LNX2: variants seen among roughly 807,000 people sequenced by gnomAD.
LNX2 encodes ligand of Numb protein X 2.
Under a neutral mutation model 66.2 loss-of-function variants are expected in LNX2, and 35 were observed. The observed-to-expected ratio is 0.53, with a 90% CI of 0.40 to 0.70. The LOEUF is 0.70. Among genes scored for constraint, LNX2 ranks in the 30% least tolerant of loss-of-function variants. The pLI is 0.00. For synonymous variants in LNX2, 337 were observed against 315.6 expected (o/e 1.07, Z -0.72); for missense variants, 791 against 850.8 (o/e 0.93, Z 0.87).
chr13:27,611,270 C>T (rs1234223583), intron 1 of LNX2, among the ~76,000 whole-genome samples: 1 of 152,128 alleles, frequency 6.6e-6, no homozygotes, highest in East Asian at 1.9e-4. Flanking sequence ...TTCAGCTTTA[C>T]AAAGGAAGGA....
chr13:27,590,219 T>TTTTTTA (rs1291925059), intron 1 of LNX2, among the ~76,000 whole-genome samples: 46 of 152,018 alleles, frequency 3.0e-4, no homozygotes, highest in Non-Finnish European at 4.4e-5. Flanking sequence ...CTATGGTTGG[T>TTTTTTA]TTTTTATTTT....
intron 1 of LNX2, among the ~76,000 whole-genome samples, chr13:27,591,745 A>G (rs1955548314): frequency 6.6e-6 from 1 of 152,210 alleles, no homozygotes; most frequent in African/African-American, 2.4e-5. Flanking sequence ...GATAGACAAC[A>G]TATAAGAAGA....
chr13:27,576,112 CAA>C (rs779882874), intron 2 of LNX2, among the ~76,000 whole-genome samples: 15 of 152,128 alleles, frequency 9.9e-5, no homozygotes, highest in Middle Eastern at 3.4e-3. Flanking sequence ...ATAAATAAAG[CAA>C]AAGACAGAAA....
At chr13:27,555,163 G>T (rs941824680) in intron 7 of LNX2, among the ~76,000 whole-genome samples, 2 of 152,160 alleles carry the variant, frequency 1.3e-5, no homozygotes, top group Non-Finnish European at 2.9e-5. Flanking sequence ...TGCCCAGACT[G>T]TTCTCAAACT....
At chr13:27,612,494 A>G (rs1390490808) in intron 1 of LNX2, among the ~76,000 whole-genome samples, 2 of 152,250 alleles carry the variant, frequency 1.3e-5, no homozygotes, top group African/African-American at 2.4e-5. Flanking sequence ...CTCATAACCC[A>G]AACACCCTAT....
chr13:27,612,262 T>G lies in LNX2; in HGVS notation c.-101+8113A>C, dbSNP rs149492590. Among the ~76,000 whole-genome samples, 142 of 152,348 alleles carry G rather than the reference T, an allele frequency of 9.3e-4. 2 individuals carry two copies. The highest frequency in any genetic ancestry group is 2.1e-3 in the South Asian group (10 of 4,830). On this transcript the variant is annotated intron_variant, in intron 1 of 9. Transcript: ENST00000316334. ...CTCATTGGGGCTAACAAGACCCATA[T>G]GATCAGGCCATGGCCTACCTCCCTG...
chr13:27,569,014 TTGC>T lies in LNX2; in HGVS notation c.655+12_655+14del. The T allele has an allele frequency of 6.2e-7, 1 of 1,602,420 alleles. No homozygotes were observed. The highest frequency in any genetic ancestry group is 1.1e-5 in the South Asian group (1 of 89,258). ...AAATAGAGATGAAATACACAAGGAG[TTGC>T]ACCACACATACTGTCAGCTCCAGCG... On this transcript the variant is annotated intron_variant, in intron 3 of 9. Transcript: ENST00000316334.
At chr13:27,554,517 A>G (rs1232986911) in intron 7 of LNX2, among the ~76,000 whole-genome samples, 1 of 152,124 alleles carries the variant, frequency 6.6e-6, no homozygotes, top group African/African-American at 2.4e-5. Context: ...AGCTTCTTTT[A>G]CTTGCATAAT....
chr13:27,561,004 T>C (rs1472646522), intron 5 of LNX2, among the ~76,000 whole-genome samples: 1 of 152,248 alleles, frequency 6.6e-6, no homozygotes, highest in Non-Finnish European at 1.5e-5. Context: ...GTATATGTTA[T>C]TTTTTAAAAT....
intron 4 of LNX2, among the ~76,000 whole-genome samples, chr13:27,564,305 G>A (rs1955177473): frequency 6.6e-6 from 1 of 152,022 alleles, no homozygotes; most frequent in Admixed American, 6.6e-5. Flanking sequence ...ATAAAATATT[G>A]TTTCTAGATT....
intron 1 of LNX2, among the ~76,000 whole-genome samples, chr13:27,582,995 T>C (rs1313644635): frequency 1.3e-5 from 2 of 152,120 alleles, no homozygotes; most frequent in Non-Finnish European, 2.9e-5. Flanking sequence ...GAAAGATACA[T>C]CTGCATAGCG....
chr13:27,586,022 A>C (rs924597184), intron 1 of LNX2, among the ~76,000 whole-genome samples: 2 of 148,392 alleles, frequency 1.3e-5, no homozygotes, highest in Non-Finnish European at 3.0e-5. Flanking sequence ...ATATATACTT[A>C]CATACATATA....
intron 7 of LNX2, 98 bp from the exon 8 acceptor site, chr13:27,553,537 C>T: frequency 1.3e-6 from 1 of 790,390 alleles, no homozygotes. Flanking sequence ...TTAGTTCCCC[C>T]AACTCTGATG....
At chr13:27,567,150 G>T (rs1222774739) in intron 4 of LNX2, among the ~76,000 whole-genome samples, 1 of 152,114 alleles carries the variant, frequency 6.6e-6, no homozygotes, top group South Asian at 2.1e-4. Flanking sequence ...CAAGATTTCT[G>T]AACTCTATCT....
intron 1 of LNX2, among the ~76,000 whole-genome samples, chr13:27,586,883 T>G (rs545433419): frequency 2.6e-4 from 39 of 152,274 alleles, no homozygotes; most frequent in African/African-American, 9.1e-4. Flanking sequence ...AAACAGCCAG[T>G]GCAATAGGAA....
intron 1 of LNX2, among the ~76,000 whole-genome samples, 163 bp downstream of exon 1, chr13:27,620,212 G>A (rs1265016194): frequency 6.6e-6 from 1 of 151,900 alleles, no homozygotes; most frequent in East Asian, 1.9e-4. Flanking sequence ...GGCGAGCGAA[G>A]ACAGCCGCGA....
chr13:27,558,881 T>C (rs1955095523), intron 6 of LNX2, among the ~76,000 whole-genome samples: 1 of 152,156 alleles, frequency 6.6e-6, no homozygotes, highest in Admixed American at 6.5e-5. Flanking sequence ...GTCTTTAAGC[T>C]ATGCTTTCTT....
chr13:27,616,381 A>C (rs1262284136), intron 1 of LNX2, among the ~76,000 whole-genome samples: 3 of 152,118 alleles, frequency 2.0e-5, no homozygotes, highest in African/African-American at 7.2e-5. Context: ...AGGTGGTAGT[A>C]AAACGTTTCT....
chr13:27,565,105 G>A (rs1264407436), intron 4 of LNX2, among the ~76,000 whole-genome samples: 3 of 152,040 alleles, frequency 2.0e-5, no homozygotes, highest in African/African-American at 7.2e-5. Flanking sequence ...ATAATGCAGT[G>A]GAATTTCTAC....
Sources: allele counts gnomAD v4.1 joint callset (sites outside exome capture counted in the v4.1 genomes callset), GRCh38; gene constraint gnomAD v4.1.1; transcripts MANE v1.5; gene names NCBI Gene and HGNC (gene_info 2026-07-23, HGNC 2026-07-21).